SLC19A1: variants seen among roughly 807,000 people sequenced by gnomAD.
The protein encoded by SLC19A1 is reduced folate transporter.
SLC19A1 carries 37 observed loss-of-function variants against 35.3 expected under a neutral mutation model. That is an observed-to-expected ratio of 1.05 (90% CI 0.81 to 1.38). SLC19A1 has a LOEUF of 1.38. Ranked by LOEUF, SLC19A1 falls within the 40% of genes most tolerant of loss-of-function variation. The pLI, the probability that SLC19A1 is intolerant of heterozygous loss-of-function variation, is 0.00. For synonymous variants in SLC19A1, 460 were observed against 398.5 expected (o/e 1.15, Z -1.84); for missense variants, 831 against 826.9 (o/e 1.00, Z -0.06).
chr21:45,551,955 T>G (rs1602944931), intron 1 of SLC19A1, among the ~76,000 whole-genome samples: 2 of 152,190 alleles, frequency 1.3e-5, no homozygotes, highest in Admixed American at 6.5e-5. Flanking sequence ...CCACACCGCC[T>G]GCGTGTTCTG....
chr21:45,556,151 C>G (rs1463507672), intron 1 of SLC19A1, among the ~76,000 whole-genome samples: 4 of 152,222 alleles, frequency 2.6e-5, no homozygotes, highest in Non-Finnish European at 4.4e-5. Context: ...AGGACGCTCC[C>G]GTTCCAGTCC....
rs1328120846 is a variant in SLC19A1 at position 45,515,024 on chromosome 21, C to T, written c.*634G>A. 6.5e-7 allele frequency: 1 copy of T among 1,539,048 alleles called. No individual in the cohort carries two copies. Among genetic ancestry groups the T allele is most frequent in the South Asian group, 1.2e-5 (1 of 81,888 alleles). The stretch of plus-strand genomic sequence containing the variant: ...GACAGACAGGACCATGGAGGGCTGC[C>T]CTTAGGGTGGGAGAGAGGAACCAGC... On this transcript the variant is annotated 3_prime_UTR_variant, in exon 6 of 6. Coordinates refer to ENST00000311124, the MANE Select transcript of SLC19A1 (RefSeq NM_194255.4).
At chr21:45,510,256 C>G, downstream of SLC19A1, 1 of 1,604,316 alleles carries the variant, frequency 6.2e-7, no homozygotes, top group Non-Finnish European at 8.5e-7. Context: ...CATCGTCAAC[C>G]TCAAGGTGGG....
chr21:45,514,899 G>T lies in SLC19A1; in HGVS notation c.*759C>A. 8.5e-7 allele frequency: 1 copy of T among 1,178,494 alleles called. No homozygotes were observed. Among genetic ancestry groups the T allele is most frequent in the Non-Finnish European group, 1.1e-6 (1 of 873,190 alleles). The allele number at this position is 1,178,494 out of a possible 1,614,324, so 73.0% of individuals were successfully genotyped here. On this transcript the variant is annotated 3_prime_UTR_variant, in exon 6 of 6. Coordinates refer to ENST00000311124, the MANE Select transcript of SLC19A1 (RefSeq NM_194255.4). ...CCCAGGCAAGCCTGGCACATACCAA[G>T]GCCAGCACGTCCGCGGTGACCGGGA...
intron 1 of SLC19A1, among the ~76,000 whole-genome samples, chr21:45,562,546 G>A (rs1394063477): frequency 2.0e-5 from 3 of 152,176 alleles, no homozygotes; most frequent in East Asian, 1.9e-4. Context: ...CCTGAGAGAC[G>A]TGAAACAAAC....
intron 5 of SLC19A1, among the ~76,000 whole-genome samples, chr21:45,524,821 G>A (rs2077550944): frequency 6.9e-6 from 1 of 145,470 alleles, no homozygotes; most frequent in Non-Finnish European, 1.5e-5. Context: ...CCTGCCCTGA[G>A]TGTTCACACC....
rs143496464 is a variant in SLC19A1, at chr21:45,514,257, A to AC, written c.*1400dup. The AC allele has an allele frequency of 0.017, 2,538 of 147,662 alleles. 46 individuals carry two copies. The highest frequency in any genetic ancestry group is 0.044 in the African/African-American group (1,745 of 39,828). 9.1% of individuals were successfully genotyped at this position (147,662 alleles called of 1,614,324 possible). ...CGAGCCCAGGAAATGGCTGGTGCAG[A>AC]CCCCCCCCCAAGCAGGGTCCCCAGG... On this transcript the variant is annotated 3_prime_UTR_variant, in exon 6 of 6. Transcript: ENST00000311124.
At chr21:45,561,601 A>G (rs1017808788) in intron 1 of SLC19A1, among the ~76,000 whole-genome samples, 12 of 151,984 alleles carry the variant, frequency 7.9e-5, no homozygotes, top group Non-Finnish European at 1.3e-4. Flanking sequence ...TCTCTACTAA[A>G]AATACAAAAA....
intron 1 of SLC19A1, among the ~76,000 whole-genome samples, chr21:45,550,992 C>T (rs2078460616): frequency 6.7e-6 from 1 of 149,224 alleles, no homozygotes; most frequent in Admixed American, 6.7e-5. Flanking sequence ...CATTCTCCTC[C>T]CCACAACACC....
chr21:45,532,390 A>G (rs528682017), intron 2 of SLC19A1, among the ~76,000 whole-genome samples: 10 of 152,348 alleles, frequency 6.6e-5, no homozygotes, highest in South Asian at 4.1e-4. Context: ...GGCAGTGGCC[A>G]CAGAAGGAAT....
intron 1 of SLC19A1, among the ~76,000 whole-genome samples, chr21:45,539,799 T>A (rs1056993287): frequency 1.3e-5 from 2 of 152,148 alleles, no homozygotes; most frequent in Admixed American, 6.5e-5. Context: ...GGGAAGCCCT[T>A]AAGAGGCAGA....
upstream of SLC19A1, among the ~76,000 whole-genome samples, chr21:45,547,943 C>T (rs368781287): frequency 6.6e-6 from 1 of 152,182 alleles, no homozygotes; most frequent in African/African-American, 2.4e-5. Flanking sequence ...CAGTGCAATC[C>T]AACAGAGATC....
intron 1 of SLC19A1, among the ~76,000 whole-genome samples, chr21:45,539,075 C>T (rs1395601084): frequency 1.3e-5 from 2 of 152,236 alleles, no homozygotes; most frequent in African/African-American, 4.8e-5. Flanking sequence ...AGAATCATGT[C>T]TCCAGGTGCC....
At chr21:45,538,906 C>A (rs2078219684) in intron 1 of SLC19A1, among the ~76,000 whole-genome samples, 1 of 152,198 alleles carries the variant, frequency 6.6e-6, no homozygotes, top group South Asian at 2.1e-4. Context: ...ACGGCCAGGG[C>A]ACGTGGTGGA....
upstream of SLC19A1, among the ~76,000 whole-genome samples, chr21:45,548,422 G>A (rs528238745): frequency 2.0e-5 from 3 of 152,296 alleles, no homozygotes; most frequent in Admixed American, 2.0e-4. Flanking sequence ...TTACAACTGA[G>A]TAATAAGAAA....
chr21:45,562,782 C>T (rs1427797975), exon 1 of SLC19A1, among the ~76,000 whole-genome samples: 2 of 152,196 alleles, frequency 1.3e-5, no homozygotes, highest in Non-Finnish European at 2.9e-5. Flanking sequence ...CCTCCGGTAT[C>T]TAGGTGTGAA....
At position 45,513,015 on chromosome 21, in the gene SLC19A1, C is replaced by G. The variant is rs773500117; in HGVS notation, c.*2643G>C. ...TGAAGCAGGTTCCCAAGCTCAGAGGCGCACTGTGACCCCCAGCTCCGGCCT... is the reference window on the plus strand; with the variant it reads ...TGAAGCAGGTTCCCAAGCTCAGAGGGGCACTGTGACCCCCAGCTCCGGCCT... On this transcript the variant is annotated 3_prime_UTR_variant, in exon 6 of 6. Coordinates refer to ENST00000311124, the MANE Select transcript of SLC19A1 (RefSeq NM_194255.4). The G allele has an allele frequency of 6.2e-6, 1 of 160,224 alleles. No homozygotes were observed. The highest frequency in any genetic ancestry group is 1.4e-5 in the Non-Finnish European group (1 of 72,454). The allele number at this position is 160,224 out of a possible 1,614,324, so 9.9% of individuals were successfully genotyped here.
chr21:45,510,261 G>C, downstream of SLC19A1: 1 of 1,603,028 alleles, frequency 6.2e-7, no homozygotes, highest in Non-Finnish European at 8.5e-7. Context: ...TCAACCTCAA[G>C]GTGGGTCAGT....
Position 45,530,663 on chromosome 21 carries a change from G to C in SLC19A1, c.1151+107C>G, listed in dbSNP as rs1568997027. On this transcript the variant is annotated intron_variant, in intron 4 of 5. Transcript: ENST00000311124. This position sits in a 1 kb window ranked among gnomAD's most constrained non-coding sequence, Gnocchi z 5.3. Reference sequence around the variant, plus strand: ...CTCCAGGTGGCTGGCGGGGCCAGCAGTGGCACAGCCGCTGGGGCGCAGCAG... The same window carrying C: ...CTCCAGGTGGCTGGCGGGGCCAGCACTGGCACAGCCGCTGGGGCGCAGCAG... 4.9e-6 allele frequency: 6 copies of C among 1,229,270 alleles called. No homozygotes were observed. Among genetic ancestry groups the C allele is most frequent in the Middle Eastern group, 2.8e-4 (1 of 3,628 alleles). The allele number at this position is 1,229,270 out of a possible 1,614,324, so 76.1% of individuals were successfully genotyped here.
Sources: allele counts gnomAD v4.1 joint callset (sites outside exome capture counted in the v4.1 genomes callset), GRCh38; gene constraint gnomAD v4.1.1; non-coding constraint Gnocchi (gnomAD v3.1); transcripts MANE v1.5; gene names NCBI Gene and HGNC (gene_info 2026-07-23, HGNC 2026-07-21).